IRF6: variants seen among roughly 807,000 people sequenced by gnomAD.
IRF6 encodes interferon regulatory factor 6.
A neutral mutation model predicts 51.4 loss-of-function variants in IRF6; 6 were observed. The observed-to-expected ratio is 0.12, with a 90% CI of 0.06 to 0.23. The LOEUF is 0.23. Ranked by LOEUF, IRF6 falls within the 10% of genes least tolerant of loss-of-function variation. The probability of loss-of-function intolerance (pLI) is 1.00; values close to 1 mark genes in which losing one functional copy is unlikely to be tolerated. For synonymous variants in IRF6, 178 were observed against 215.7 expected, an observed-to-expected ratio of 0.83 and a Z score of 1.53; for missense variants, 348 against 585.2, an observed-to-expected ratio of 0.59 and a Z score of 4.18.
Position 209,789,622 on chromosome 1 carries a change from T to C in IRF6, c.1179+45A>G, listed in dbSNP as rs369590923. The C allele has an allele frequency of 8.8e-5, 125 of 1,423,008 alleles. No individual in the cohort carries two copies. The African/African-American group carries it at 1.5e-3, about 17-fold the overall frequency. 88.1% of individuals were successfully genotyped at this position (1,423,008 alleles called of 1,614,324 possible). A position where few individuals can be genotyped will look rare whatever the true frequency, so the allele number is the denominator to read the frequency against. On this transcript the variant is annotated intron_variant, in intron 8 of 8. Transcript: ENST00000367021. ...CAACCCAGACCTGGGGGCTTAAGCA[T>C]TGGCAAAAAGATGAAGAGTTGTTGA...
chr1:209,792,415 G>A lies in IRF6; in HGVS notation c.521C>T (p.Ala174Val), dbSNP rs751045613. The A allele has an allele frequency of 9.3e-6, 15 of 1,613,964 alleles. No homozygotes were observed. The highest frequency in any genetic ancestry group is 1.6e-4 in the Middle Eastern group (1 of 6,070). The change falls in exon 6 of 9, where the codon GCG becomes GTG. Residue 174 changes from alanine to valine, a missense_variant. Physicochemically the swap from Ala to Val is moderately conservative, Grantham distance 64 (BLOSUM62 0). This residue lies in a region of IRF6 where 124 missense variants were observed against 141.6 expected (regional missense o/e 0.88). Transcript: ENST00000367021. ...ACTGCAATTGCCCACACTGGCTGGCGCCATGGGAGAACCTAAAACAAAAGC... is the reference window on the plus strand; with the variant it reads ...ACTGCAATTGCCCACACTGGCTGGCACCATGGGAGAACCTAAAACAAAAGC... Reference protein sequence around the residue: ...PFLNINGSPMAPASVGNCSVG... With the variant: ...PFLNINGSPMVPASVGNCSVG...
chr1:209,792,727 T>TG, intron 5 of IRF6: 2 of 411,950 alleles, frequency 4.9e-6, no homozygotes, highest in Admixed American at 3.9e-5. Flanking sequence ...GAGTAAGACA[T>TG]TCCATACTGT....
At chr1:209,799,034 G>A (rs947083777) in intron 3 of IRF6, among the ~76,000 whole-genome samples, 1 of 151,906 alleles carries the variant, frequency 6.6e-6, no homozygotes, top group African/African-American at 2.4e-5. Context: ...AAGAGATTCT[G>A]ATCACTGTGC....
chr1:209,789,339 G>C (rs1290632445), intron 8 of IRF6, among the ~76,000 whole-genome samples: 3 of 133,642 alleles, frequency 2.2e-5, no homozygotes, highest in Non-Finnish European at 3.1e-5. Context: ...AAAAAAAAAA[G>C]TGCAATTTAC....
intron 1 of IRF6, among the ~76,000 whole-genome samples, chr1:209,804,235 G>A (rs2077960851): frequency 1.3e-5 from 2 of 152,096 alleles, no homozygotes; most frequent in African/African-American, 4.8e-5. Context: ...TACCTAACAT[G>A]TCTGATTTCA....
At chr1:209,797,303 G>A (rs2077908431) in intron 3 of IRF6, among the ~76,000 whole-genome samples, 1 of 135,246 alleles carries the variant, frequency 7.4e-6, no homozygotes, top group Non-Finnish European at 1.5e-5. Flanking sequence ...CCGGGAGGTG[G>A]AGATTGTAGT....
chr1:209,789,851 C>T (rs2077858700), intron 7 of IRF6, 66 bp from the exon 8 acceptor site: 1 of 1,053,560 alleles, frequency 9.5e-7, no homozygotes, highest in Non-Finnish European at 1.5e-6. Flanking sequence ...CAAATACCAT[C>T]TTTTATGCTG....
rs2077875647 is a variant in IRF6 at position 209,792,521 on chromosome 1, C to G, written c.509-94G>C. ...AACTCACAAGGTCAGTAGACAAGAA[C>G]CAAACACTGAACCCTGACCCAGTGT... On this transcript the variant is annotated intron_variant, in intron 5 of 8. Transcript: ENST00000367021. 3 of 1,338,620 alleles carry G rather than the reference C, an allele frequency of 2.2e-6. No homozygotes were observed. In the Admixed American group the frequency reaches 5.5e-5, roughly 25 times the overall value. The allele number at this position is 1,338,620 out of a possible 1,614,324, so 82.9% of individuals were successfully genotyped here.
Position 209,790,496 on chromosome 1 carries a change from G to A in IRF6, c.1059C>T (p.Ser353=), listed in dbSNP as rs116578701. Residue 353 remains serine (S), a splice_region_variant and synonymous_variant, in exon 7 of 9, where the codon AGC becomes AGT. Transcript: ENST00000367021. This position sits in a 1 kb window ranked among gnomAD's most constrained non-coding sequence, Gnocchi z 4.8. ...TCAACTTTCTGAGAAATGACTTACC[G>A]CTAAGGAATGTTTCCAGACAAAATA... ...VKLFCLETFL[S]DLIAHQKGQI... 239 of 1,613,700 alleles carry A rather than the reference G, an allele frequency of 1.5e-4. No homozygotes were observed. In the African/African-American group the frequency reaches 2.8e-3, roughly 19 times the overall value.
chr1:209,800,585 C>T (rs1275218727), intron 3 of IRF6, among the ~76,000 whole-genome samples: 1 of 151,978 alleles, frequency 6.6e-6, no homozygotes, highest in African/African-American at 2.4e-5. Flanking sequence ...GGTGAAACCC[C>T]GTCTCTACAG....
intron 3 of IRF6, among the ~76,000 whole-genome samples, chr1:209,798,415 A>T (rs2077917866): frequency 6.6e-6 from 1 of 152,190 alleles, no homozygotes; most frequent in South Asian, 2.1e-4. Flanking sequence ...GACTCGGGCT[A>T]TGAAGACTTT....
intron 6 of IRF6, chr1:209,791,168 G>A (rs996793368): frequency 1.3e-5 from 6 of 462,394 alleles, no homozygotes; most frequent in African/African-American, 8.5e-5. Context: ...AGTGGTCCTG[G>A]TGTCCCCACG....
In IRF6 at chr1:209,790,968, GATCA is replaced by G; in HGVS notation, c.668-85_668-82del. Reference sequence around the variant, plus strand: ...CCTGTGACTCATGCAAGTCCATTAAGATCAAGCCACCTTTCAACCAGCATTCAGG... The same window carrying G: ...CCTGTGACTCATGCAAGTCCATTAAGAGCCACCTTTCAACCAGCATTCAGG... On this transcript the variant is annotated intron_variant, in intron 6 of 8. Transcript: ENST00000367021. This position sits in a 1 kb window ranked among gnomAD's most constrained non-coding sequence, Gnocchi z 4.8. 6.9e-6 allele frequency: 11 copies of G among 1,605,738 alleles called. No homozygotes were observed. The highest frequency in any genetic ancestry group is 9.3e-6 in the Non-Finnish European group (11 of 1,179,624).
At position 209,790,076 on chromosome 1, in the gene IRF6, T is replaced by C. The variant is rs550555593; in HGVS notation, c.1061-291A>G. 8.5e-5 allele frequency among the ~76,000 whole-genome samples: 13 copies of C among 152,336 alleles called. No homozygotes were observed. Among genetic ancestry groups the C allele is most frequent in the Admixed American group, 2.6e-4 (4 of 15,310 alleles). ...GCAGTTCAAACCACATTGTAAAAAA[T>C]TGACATCACGGTGCTTTCCCTAAAA... On this transcript the variant is annotated intron_variant, in intron 7 of 8. Coordinates refer to ENST00000367021, the MANE Select transcript of IRF6 (RefSeq NM_006147.4). The surrounding 1 kb of genome is among the most constrained non-coding windows in gnomAD (Gnocchi z 4.8).
At chr1:209,804,853 CAGG>C (rs1337317527) in intron 1 of IRF6, among the ~76,000 whole-genome samples, 3 of 152,210 alleles carry the variant, frequency 2.0e-5, no homozygotes, top group African/African-American at 7.2e-5. Flanking sequence ...TGGTTTTGCT[CAGG>C]TTAAAACACA....
intron 3 of IRF6, among the ~76,000 whole-genome samples, chr1:209,801,014 CT>C (rs2077937621): frequency 6.6e-6 from 1 of 152,122 alleles, no homozygotes; most frequent in Non-Finnish European, 1.5e-5. Context: ...AGCTGGTATC[CT>C]TTGGGATGTG....
chr1:209,794,316 T>C (rs1381531995), intron 5 of IRF6, among the ~76,000 whole-genome samples: 1 of 152,232 alleles, frequency 6.6e-6, no homozygotes, highest in Non-Finnish European at 1.5e-5. Context: ...ATTTCTCTAA[T>C]GATTAGTGAC....
At chr1:209,789,439 G>C (rs2077855466) in intron 8 of IRF6, among the ~76,000 whole-genome samples, 1 of 151,584 alleles carries the variant, frequency 6.6e-6, no homozygotes, top group Admixed American at 6.6e-5. Context: ...AGACTCTAAG[G>C]TTAGTAAGAG....
chr1:209,792,595 A>C, intron 5 of IRF6, 168 bp from the exon 6 acceptor site: 1 of 670,376 alleles, frequency 1.5e-6, no homozygotes, highest in Non-Finnish European at 2.6e-6. Context: ...ATAAGAAATA[A>C]GGTTCCCCTG....
Sources: allele counts gnomAD v4.1 joint callset (sites outside exome capture counted in the v4.1 genomes callset), GRCh38; gene constraint gnomAD v4.1.1; regional missense constraint gnomAD v4.1.1; non-coding constraint Gnocchi (gnomAD v3.1); transcripts MANE v1.5; gene names NCBI Gene and HGNC (gene_info 2026-07-23, HGNC 2026-07-21).